The following CYLC1 variants were observed in gnomAD, a reference collection of about 807,000 sequenced individuals.
CYLC1 encodes cylicin-1.
In CYLC1, 2 loss-of-function variants were observed where a neutral mutation model predicts 31.6. The observed-to-expected ratio is 0.06, with a 90% CI of 0.03 to 0.20. CYLC1 has a LOEUF of 0.20. CYLC1 is among the 10% of genes least tolerant of loss of function. CYLC1 has a pLI of 1.00. For synonymous variants in CYLC1, 185 were observed against 153.0 expected, an observed-to-expected ratio of 1.21 and a Z score of -1.54; for missense variants, 595 against 424.1, an observed-to-expected ratio of 1.40 and a Z score of -3.54.
intron 1 of CYLC1, among the ~76,000 whole-genome samples, chrX:83,862,470 G>C (rs1449029733): frequency 9.0e-6 from 1 of 111,344 alleles, no homozygotes; most frequent in Non-Finnish European, 1.9e-5. Flanking sequence ...ATGAACCTGG[G>C]GGGCGGAGCT....
chrX:83,870,020 T>A (rs1325137589), intron 2 of CYLC1, 115 bp downstream of exon 2: 1 of 387,970 alleles, frequency 2.6e-6, no homozygotes. Flanking sequence ...TGAATTTTTA[T>A]AAAAATTTTA....
At chrX:83,872,698 G>C (rs77167754) in intron 3 of CYLC1, among the ~76,000 whole-genome samples, 188 bp from the exon 4 acceptor site, 4,202 of 79,248 alleles carry the variant, frequency 0.053, 81 homozygotes, top group Non-Finnish European at 0.082. Context: ...GGAGTTATAT[G>C]TCTCTTTCTG....
chrX:83,872,872 A>G lies in CYLC1; in HGVS notation c.178-14A>G. The G allele has an allele frequency of 9.2e-7, 1 of 1,087,269 alleles. No homozygotes were observed. The highest frequency in any genetic ancestry group is 1.2e-6 in the Non-Finnish European group (1 of 814,783). The allele number at this position is 1,087,269 out of a possible 1,213,427, so 89.6% of individuals were successfully genotyped here. On this transcript the variant is annotated splice_polypyrimidine_tract_variant and intron_variant, in intron 3 of 4. Transcript: ENST00000329312. ...TCATTCACAAATGCTTATTATTCTA[A>G]CCAATCTTTTCAGAGACATGACAAA... is the stretch of plus-strand genomic sequence containing the variant.
At chrX:83,878,077 A>C (rs1205313753) in intron 4 of CYLC1, among the ~76,000 whole-genome samples, 5 of 59,539 alleles carry the variant, frequency 8.4e-5, no homozygotes, top group African/African-American at 3.5e-4. Context: ...TATATATATA[A>C]AAATATATAT....
At chrX:83,877,877 C>CATATAT (rs763314367) in intron 4 of CYLC1, among the ~76,000 whole-genome samples, 21 of 57,392 alleles carry the variant, frequency 3.7e-4, no homozygotes, top group East Asian at 7.5e-4. Context: ...CCTGTTTTTT[C>CATATAT]ATATATATAT....
intron 3 of CYLC1, 136 bp from the exon 4 acceptor site, chrX:83,872,750 C>A: frequency 2.2e-6 from 1 of 457,249 alleles, no homozygotes; most frequent in Non-Finnish European, 3.5e-6. Flanking sequence ...CACACACACA[C>A]ACACAGACAC....
intron 4 of CYLC1, among the ~76,000 whole-genome samples, chrX:83,876,459 G>T (rs1483130631): frequency 1.8e-5 from 2 of 111,171 alleles, no homozygotes; most frequent in African/African-American, 6.5e-5. Flanking sequence ...GAAAAAAATT[G>T]AATACAAGGA....
At chrX:83,878,392 A>AATATATATAAAT (rs2031848655) in intron 4 of CYLC1, among the ~76,000 whole-genome samples, 3 of 13,682 alleles carry the variant, frequency 2.2e-4, no homozygotes, top group African/African-American at 3.0e-4. Flanking sequence ...AATATATATA[A>AATATATATAAAT]ATATATATAA....
At chrX:83,877,925 T>TATAC (rs1163396751) in intron 4 of CYLC1, among the ~76,000 whole-genome samples, 1 of 57,565 alleles carries the variant, frequency 1.7e-5, no homozygotes, top group Admixed American at 2.9e-4. Flanking sequence ...TATATATATA[T>TATAC]AAATATAAAT....
rs369834660 is a variant in CYLC1, at chrX:83,867,034, T to C, written c.18-2831T>C. Among the ~76,000 whole-genome samples the C allele has an allele frequency of 2.6e-4, 29 of 111,907 alleles. No individual in the cohort carries two copies. In the South Asian group the frequency reaches 0.011, roughly 41 times the overall value. On this transcript the variant is annotated intron_variant, in intron 1 of 4. Transcript: ENST00000329312. ...ACTCAAGTTATGTTCTTCACATAAC[T>C]GTAGAACACAGTTCAGCTGTTTCTG...
At chrX:83,865,237 G>A (rs773399853) in intron 1 of CYLC1, among the ~76,000 whole-genome samples, 1 of 110,833 alleles carries the variant, frequency 9.0e-6, no homozygotes, top group South Asian at 3.8e-4. Context: ...TATTCACTCA[G>A]TTGTTTAAGC....
chrX:83,862,646 A>G (rs2031531618), intron 1 of CYLC1, among the ~76,000 whole-genome samples: 1 of 112,804 alleles, frequency 8.9e-6, no homozygotes, highest in Admixed American at 9.3e-5. Context: ...TTTTACAAAG[A>G]CATTTCTAAT....
rs753206308 is a variant in CYLC1, at chrX:83,873,283, C to T, written c.575C>T (p.Ser192Leu). 7 of 1,201,742 alleles carry T rather than the reference C, an allele frequency of 5.8e-6. No individual in the cohort carries two copies. The highest frequency in any genetic ancestry group is 7.9e-6 in the Non-Finnish European group (7 of 891,250). The change falls in exon 4 of 5, where the codon TCA becomes TTA. Residue 192 changes from serine (S) to leucine (L), a missense_variant. Physicochemically the swap from Ser to Leu is moderately radical, Grantham distance 145. Transcript: ENST00000329312. ...GAATCCCAAAATTCTAAGACAGTCT[C>T]AAAAAATTGTTCACAAAAAGATAAG... ...NPESQNSKTVSKNCSQKDKKD... is the reference protein window; with the variant it reads ...NPESQNSKTVLKNCSQKDKKD...
chrX:83,868,402 G>A (rs1290097162), intron 1 of CYLC1, among the ~76,000 whole-genome samples: 2 of 110,263 alleles, frequency 1.8e-5, no homozygotes, highest in Admixed American at 9.7e-5. Context: ...ACTAGATAAC[G>A]GGAGCTCAAT....
intron 1 of CYLC1, among the ~76,000 whole-genome samples, chrX:83,861,493 T>A (rs1422798316): frequency 8.9e-6 from 1 of 111,942 alleles, no homozygotes; most frequent in African/African-American, 3.2e-5. Context: ...ATGGAAAGAA[T>A]AAACTTATGT....
At chrX:83,874,716 A>T in intron 4 of CYLC1, 85 bp downstream of exon 4, 1 of 965,938 alleles carries the variant, frequency 1.0e-6, no homozygotes, top group East Asian at 3.4e-5. Flanking sequence ...TTTTCTCCAA[A>T]TAATAGTTAT....
chrX:83,871,908 A>G (rs1019985704), intron 3 of CYLC1, among the ~76,000 whole-genome samples: 1 of 111,280 alleles, frequency 9.0e-6, no homozygotes. Context: ...TCCTTATTTT[A>G]CAAAATATGA....
chrX:83,877,400 C>G (rs1271787650), intron 4 of CYLC1, among the ~76,000 whole-genome samples: 2 of 111,208 alleles, frequency 1.8e-5, no homozygotes, highest in East Asian at 5.7e-4. Context: ...AGGTGTAAGC[C>G]ACCATGTCTG....
At position 83,872,996 on chromosome X, in the gene CYLC1, A is replaced by G. The variant is rs1171182798; in HGVS notation, c.288A>G (p.Glu96=). The change falls in exon 4 of 5, where the codon GAA becomes GAG. Residue 96 remains glutamate (E), a synonymous_variant. Transcript: ENST00000329312. ...QWPPIYTAAR[E]QTPFRHLYTS... is the part of the protein sequence containing the mutation. ...CACCCATTTACACAGCTGCCAGGGAACAGACTCCATTCAGACATCTTTATA... is the reference window on the plus strand; with the variant it reads ...CACCCATTTACACAGCTGCCAGGGAGCAGACTCCATTCAGACATCTTTATA... The G allele has an allele frequency of 4.1e-6, 5 of 1,206,374 alleles. No individual in the cohort carries two copies. Among genetic ancestry groups the G allele is most frequent in the African/African-American group, 1.7e-5 (1 of 57,379 alleles).
Sources: allele counts gnomAD v4.1 joint callset (sites outside exome capture counted in the v4.1 genomes callset), GRCh38; gene constraint gnomAD v4.1.1; transcripts MANE v1.5; gene names NCBI Gene and HGNC (gene_info 2026-07-23, HGNC 2026-07-21).